The following GAREM1 variants were observed in gnomAD, a reference collection of about 807,000 sequenced individuals.
The protein encoded by GAREM1 is GRB2 associated regulator of MAPK1 subtype 1.
A neutral mutation model predicts 71.3 loss-of-function variants in GAREM1; 26 were observed. That is an observed-to-expected ratio of 0.36 (90% CI 0.27 to 0.51). GAREM1 has a LOEUF of 0.51. Among genes scored for constraint, GAREM1 ranks in the 20% least tolerant of loss-of-function variants. The pLI is 0.95. For missense variants in GAREM1, 1,026 were observed against 1,103.1 expected (o/e 0.93, Z 0.99); for synonymous variants, 440 against 433.2 (o/e 1.02, Z -0.20).
At position 32,396,310 on chromosome 18, in the gene GAREM1, G is replaced by A. The variant is rs188392550; in HGVS notation, c.122-3275C>T. On this transcript the variant is annotated intron_variant, in intron 1 of 5. Transcript: ENST00000269209. ...CGCCAGCAATGGAACAAAGGTGGACGAAGAATGACTTTGAAGAGAAGAAGG... is the reference window on the plus strand; with the variant it reads ...CGCCAGCAATGGAACAAAGGTGGACAAAGAATGACTTTGAAGAGAAGAAGG... Among the ~76,000 whole-genome samples, 517 of 152,324 alleles carry A rather than the reference G, an allele frequency of 3.4e-3. 1 individual carries two copies. Among genetic ancestry groups the A allele is most frequent in the Non-Finnish European group, 4.1e-3 (276 of 68,022 alleles).
At chr18:32,418,924 A>G (rs751217158) in intron 1 of GAREM1, among the ~76,000 whole-genome samples, 99 of 152,316 alleles carry the variant, frequency 6.5e-4, no homozygotes, top group Non-Finnish European at 1.2e-3. Context: ...AGCAGCTTAA[A>G]TATAGTCAGA....
intron 2 of GAREM1, among the ~76,000 whole-genome samples, chr18:32,378,603 C>T (rs569493164): frequency 2.0e-5 from 3 of 151,922 alleles, no homozygotes; most frequent in African/African-American, 4.8e-5. Context: ...GGGAGGGAGG[C>T]GGAACAAAAA....
chr18:32,393,195 TTA>T (rs1491278022), intron 1 of GAREM1, among the ~76,000 whole-genome samples, 160 bp from the exon 2 acceptor site: 8 of 150,396 alleles, frequency 5.3e-5, no homozygotes, highest in African/African-American at 9.8e-5. Flanking sequence ...TTTTTTTTTT[TTA>T]AAAAAGGGTA....
At chr18:32,296,458 A>AT (rs1003551193) in intron 3 of GAREM1, among the ~76,000 whole-genome samples, 3 of 152,198 alleles carry the variant, frequency 2.0e-5, no homozygotes, top group African/African-American at 7.2e-5. Context: ...TTTTTTTCCC[A>AT]TGAGTGTCAT....
chr18:32,416,020 T>G (rs1288582657), intron 1 of GAREM1, among the ~76,000 whole-genome samples: 1 of 152,036 alleles, frequency 6.6e-6, no homozygotes, highest in East Asian at 1.9e-4. Flanking sequence ...ACAAATTTGG[T>G]AAAGTTCCAG....
intron 2 of GAREM1, among the ~76,000 whole-genome samples, chr18:32,376,880 AAAAAC>A (rs374816874): frequency 1.4e-4 from 21 of 152,274 alleles, no homozygotes; most frequent in African/African-American, 4.8e-4. Flanking sequence ...TAAATAAACA[AAAAAC>A]AAAACAAAAC....
intron 1 of GAREM1, among the ~76,000 whole-genome samples, chr18:32,445,601 GAAGTCTTCTGACGA>G (rs753982741): frequency 6.6e-6 from 1 of 152,124 alleles, no homozygotes; most frequent in Non-Finnish European, 1.5e-5. Context: ...ATATAAACCA[GAAGTCTTCTGACGA>G]AAGATAATCA....
intron 4 of GAREM1, among the ~76,000 whole-genome samples, chr18:32,281,185 G>A (rs889335780): frequency 1.3e-5 from 2 of 152,190 alleles, no homozygotes; most frequent in Non-Finnish European, 2.9e-5. Context: ...GGTAGCATGA[G>A]GATTGAAATC....
chr18:32,329,531 C>T (rs2047509200), intron 2 of GAREM1, among the ~76,000 whole-genome samples: 1 of 151,674 alleles, frequency 6.6e-6, no homozygotes, highest in Admixed American at 6.6e-5. Context: ...TATGGTGACA[C>T]CCTGTCTCTA....
Position 32,267,035 on chromosome 18 carries a change from G to A in GAREM1, c.*836C>T, listed in dbSNP as rs1404047972. ...AGACAGGGTTCTGAGAATCTTTGGA[G>A]TCATTCTGTCCACTATTCCTAAGAG... On this transcript the variant is annotated 3_prime_UTR_variant, in exon 6 of 6. Transcript: ENST00000269209. 6.6e-6 allele frequency: 1 copy of A among 152,170 alleles called. No individual in the cohort carries two copies. The highest frequency in any genetic ancestry group is 2.4e-5 in the African/African-American group (1 of 41,438). The allele number at this position is 152,170 out of a possible 1,614,324, so 9.4% of individuals were successfully genotyped here. A position where few individuals can be genotyped will look rare whatever the true frequency, so the allele number is the denominator to read the frequency against.
At chr18:32,322,117 G>A (rs947306862) in intron 2 of GAREM1, among the ~76,000 whole-genome samples, 1 of 152,122 alleles carries the variant, frequency 6.6e-6, no homozygotes, top group African/African-American at 2.4e-5. Context: ...TTTTTTAAGG[G>A]AGGAAGCCAA....
chr18:32,346,774 T>A (rs2047701284), intron 2 of GAREM1, among the ~76,000 whole-genome samples: 1 of 152,184 alleles, frequency 6.6e-6, no homozygotes, highest in Admixed American at 6.5e-5. Context: ...AAACTTTTAA[T>A]AAGGTTCCAA....
At chr18:32,334,898 T>C (rs941808222) in intron 2 of GAREM1, among the ~76,000 whole-genome samples, 4 of 152,112 alleles carry the variant, frequency 2.6e-5, no homozygotes, top group African/African-American at 9.7e-5. Flanking sequence ...CAAAAATATC[T>C]AGACACCTCT....
chr18:32,378,481 C>G (rs1394749999), intron 2 of GAREM1, among the ~76,000 whole-genome samples: 2 of 144,184 alleles, frequency 1.4e-5, no homozygotes, highest in Non-Finnish European at 1.5e-5. Flanking sequence ...GCCTGGGCAA[C>G]AGAGTCAGAC....
intron 3 of GAREM1, among the ~76,000 whole-genome samples, chr18:32,298,662 TTC>T (rs1336574471): frequency 6.6e-6 from 1 of 152,172 alleles, no homozygotes; most frequent in Admixed American, 6.5e-5. Flanking sequence ...CGCGCACACA[TTC>T]TCTCTGTCTG....
rs150067607 is a variant in GAREM1, at chr18:32,382,519, TGCTGGAG to T, written c.262+10369_262+10375del. ...TGTGGCGAGTGCCTGCTGGGTTGTC[TGCTGGAG>T]GATGATGCTTGTAGTCAAAGGAACA... is the stretch of plus-strand genomic sequence containing the variant. On this transcript the variant is annotated intron_variant, in intron 2 of 5. Transcript: ENST00000269209. Among the ~76,000 whole-genome samples the T allele has an allele frequency of 1.9e-3, 286 of 152,226 alleles. 11 individuals carry two copies. The East Asian group carries it at 0.054, about 29-fold the overall frequency.
At chr18:32,467,623 T>G (rs2049011270) in intron 1 of GAREM1, among the ~76,000 whole-genome samples, 1 of 152,238 alleles carries the variant, frequency 6.6e-6, no homozygotes, top group African/African-American at 2.4e-5. Flanking sequence ...ATTAGATTTT[T>G]TAATGTTCTT....
In GAREM1 at chr18:32,266,774, C is replaced by CT. The variant is rs1169498391; in HGVS notation, c.*1096dup. The CT allele has an allele frequency of 6.6e-6, 1 of 152,180 alleles. No homozygotes were observed. Among genetic ancestry groups the CT allele is most frequent in the Non-Finnish European group, 1.5e-5 (1 of 68,040 alleles). The allele number at this position is 152,180 out of a possible 1,614,324, so 9.4% of individuals were successfully genotyped here. A position where few individuals can be genotyped will look rare whatever the true frequency, so the allele number is the denominator to read the frequency against. The stretch of plus-strand genomic sequence containing the variant: ...GTAGGTTGAGAATGCCTAATGTACT[C>CT]TGACAAATGCTCTTCAGACCTCTCA... On this transcript the variant is annotated 3_prime_UTR_variant, in exon 6 of 6. Transcript: ENST00000269209.
At chr18:32,414,970 GA>G (rs1367550490) in intron 1 of GAREM1, among the ~76,000 whole-genome samples, 2 of 151,160 alleles carry the variant, frequency 1.3e-5, no homozygotes, top group African/African-American at 4.8e-5. Context: ...AGCAGACTAA[GA>G]AAAAAAGGGA....
Sources: allele counts gnomAD v4.1 joint callset (sites outside exome capture counted in the v4.1 genomes callset), GRCh38; gene constraint gnomAD v4.1.1; transcripts MANE v1.5; gene names NCBI Gene and HGNC (gene_info 2026-07-23, HGNC 2026-07-21).